The following DNAH7 variants were observed in gnomAD, a reference collection of about 807,000 sequenced individuals.
DNAH7 encodes dynein axonemal heavy chain 7.
In DNAH7, 397 loss-of-function variants were observed where a neutral mutation model predicts 444.6. That is an observed-to-expected ratio of 0.89 (90% CI 0.82 to 0.97). The LOEUF (loss-of-function observed/expected upper bound fraction) is 0.97. DNAH7 is among the 50% of genes least tolerant of loss of function. DNAH7 has a pLI of 0.00. For synonymous variants in DNAH7, 1,636 were observed against 1,624.4 expected, an observed-to-expected ratio of 1.01 and a Z score of -0.17; for missense variants, 4,902 against 4,800.8, an observed-to-expected ratio of 1.02 and a Z score of -0.62.
At chr2:195,919,884 G>A (rs886842528) in intron 24 of DNAH7, among the ~76,000 whole-genome samples, 7 of 152,150 alleles carry the variant, frequency 4.6e-5, no homozygotes, top group Non-Finnish European at 1.0e-4. Flanking sequence ...AAATGTAAAT[G>A]TAAGTATCTA....
chr2:195,929,112 T>C (rs1241864935), intron 21 of DNAH7, among the ~76,000 whole-genome samples: 1 of 151,852 alleles, frequency 6.6e-6, no homozygotes. Context: ...AAGAATGCAA[T>C]CCCATTCACA....
chr2:195,914,486 C>A (rs1324985447), intron 24 of DNAH7, among the ~76,000 whole-genome samples: 1 of 152,198 alleles, frequency 6.6e-6, no homozygotes, highest in Non-Finnish European at 1.5e-5. Context: ...CTGTGCCATA[C>A]AATTGGCATG....
intron 29 of DNAH7, among the ~76,000 whole-genome samples, chr2:195,896,165 T>G (rs768693001): frequency 2.0e-5 from 3 of 152,242 alleles, no homozygotes; most frequent in Non-Finnish European, 4.4e-5. Context: ...TAAGTCATGT[T>G]CCTCTAGCCA....
chr2:195,996,133 ATAATCTT>A (rs1693679999), intron 12 of DNAH7, among the ~76,000 whole-genome samples: 1 of 151,886 alleles, frequency 6.6e-6, no homozygotes, highest in Non-Finnish European at 1.5e-5. Context: ...TCATATCATC[ATAATCTT>A]TAAACACAAT....
At chr2:195,899,418 T>C (rs1686552736) in intron 28 of DNAH7, among the ~76,000 whole-genome samples, 1 of 152,236 alleles carries the variant, frequency 6.6e-6, no homozygotes, top group African/African-American at 2.4e-5. Context: ...TGCATTATAC[T>C]TCCCATTATC....
At chr2:195,932,160 T>C (rs1688743417) in intron 21 of DNAH7, among the ~76,000 whole-genome samples, 1 of 152,224 alleles carries the variant, frequency 6.6e-6, no homozygotes, top group African/African-American at 2.4e-5. Context: ...GTTGGATTCC[T>C]AGGTATTGTA....
chr2:196,056,243 G>A (rs572342108), intron 2 of DNAH7, among the ~76,000 whole-genome samples: 10 of 151,854 alleles, frequency 6.6e-5, no homozygotes, highest in African/African-American at 9.7e-5. Context: ...TCAGGGGTTC[G>A]AGACCAGCCT....
At position 195,817,750 on chromosome 2, in the gene DNAH7, G is replaced by A. The variant is rs551842767; in HGVS notation, c.9371C>T (p.Pro3124Leu). Residue 3124 changes from proline to leucine, a missense_variant, in exon 50 of 65, where the codon CCA becomes CTA. Transcript: ENST00000312428. The stretch of plus-strand genomic sequence containing the variant: ...GGCTTGCTTTTCTTCTTCAAGGTCT[G>A]GCCTTTCTTGTGCCACCACAATTCC... ...LLGIVVAQER[P>L]DLEEEKQALI... 3.2e-5 allele frequency: 52 copies of A among 1,613,016 alleles called. No homozygotes were observed. Among genetic ancestry groups the A allele is most frequent in the Non-Finnish European group, 4.3e-5 (51 of 1,179,598 alleles).
At chr2:195,799,206 TC>T (rs1696324606) in intron 55 of DNAH7, 89 bp downstream of exon 55, 1 of 1,170,490 alleles carries the variant, frequency 8.5e-7, no homozygotes, top group Non-Finnish European at 1.1e-6. Context: ...ATGACAAATT[TC>T]TACCTTTCCC....
At chr2:195,809,673 CCATA>C in intron 52 of DNAH7, 68 bp downstream of exon 52, 1 of 1,305,268 alleles carries the variant, frequency 7.7e-7, no homozygotes, top group Non-Finnish European at 1.0e-6. Flanking sequence ...ATATATATTC[CCATA>C]CAAATTAATA....
intron 52 of DNAH7, among the ~76,000 whole-genome samples, chr2:195,809,137 C>G (rs1696842586): frequency 6.6e-6 from 1 of 152,178 alleles, no homozygotes; most frequent in Non-Finnish European, 1.5e-5. Flanking sequence ...ATGTGAAAAT[C>G]TGAATATGTT....
chr2:195,823,489 T>G lies in DNAH7; in HGVS notation c.9291+766A>C, dbSNP rs150484343. ...TTTTCTCTGCCTCTCTGCAGAGAGA[T>G]GCCTATGTTAATTTAAATATTTCCA... On this transcript the variant is annotated intron_variant, in intron 49 of 64. Coordinates refer to ENST00000312428, the MANE Select transcript of DNAH7 (RefSeq NM_018897.3). Among the ~76,000 whole-genome samples, 658 of 152,348 alleles carry G rather than the reference T, an allele frequency of 4.3e-3. 10 individuals are homozygous for G. The highest frequency in any genetic ancestry group is 0.037 in the Admixed American group (570 of 15,294).
Position 195,857,496 on chromosome 2 carries a change from C to T in DNAH7, c.8295G>A (p.Met2765Ile), listed in dbSNP as rs866572493. Reference protein sequence around the residue: ...YDKDNIPPAYMNIIRKNYIPN... With the variant: ...YDKDNIPPAYINIIRKNYIPN... Reference sequence around the variant, plus strand: ...GAATATAATTTTTTCTTATGATATTCATATAAGCTGGAGGAATATTGTCCT... The same window carrying T: ...GAATATAATTTTTTCTTATGATATTTATATAAGCTGGAGGAATATTGTCCT... The change falls in exon 44 of 65, where the codon ATG (methionine) becomes ATA (isoleucine). Residue 2765 changes from methionine to isoleucine, a missense_variant. Transcript: ENST00000312428. 1 of 1,613,658 alleles carries T rather than the reference C, an allele frequency of 6.2e-7. No individual in the cohort carries two copies. The highest frequency in any genetic ancestry group is 2.2e-5 in the East Asian group (1 of 44,856).
At chr2:195,764,207 A>G (rs141012290) in intron 61 of DNAH7, among the ~76,000 whole-genome samples, 3 of 152,090 alleles carry the variant, frequency 2.0e-5, no homozygotes, top group Admixed American at 1.3e-4. Context: ...TAAAAAAAAA[A>G]CTTTAAAAAC....
rs118067971 is a variant in DNAH7 at position 195,961,438 on chromosome 2, G to A, written c.2206-493C>T. Reference sequence around the variant, plus strand: ...CCTTGTAGGCATCATTCTACTCTCTGCTTCTATGAATTTGATTTTTTATTA... The same window carrying A: ...CCTTGTAGGCATCATTCTACTCTCTACTTCTATGAATTTGATTTTTTATTA... On this transcript the variant is annotated intron_variant, in intron 17 of 64. Coordinates refer to ENST00000312428, the MANE Select transcript of DNAH7 (RefSeq NM_018897.3). Among the ~76,000 whole-genome samples the A allele has an allele frequency of 5.3e-5, 8 of 152,040 alleles. No individual in the cohort carries two copies. In the East Asian group the frequency reaches 5.8e-4, roughly 11 times the overall value.
intron 17 of DNAH7, among the ~76,000 whole-genome samples, chr2:195,964,900 C>A (rs868396918): frequency 7.9e-5 from 12 of 151,146 alleles, no homozygotes; most frequent in African/African-American, 2.9e-4. Context: ...AAGTTCATAT[C>A]ATCTACAAAC....
rs748718636 is a variant in DNAH7, at chr2:195,809,809, A to G, written c.9824T>C (p.Phe3275Ser). 21 of 1,601,380 alleles carry G rather than the reference A, an allele frequency of 1.3e-5. No homozygotes were observed. The East Asian group carries it at 4.3e-4, about 33-fold the overall frequency. Residue 3275 changes from phenylalanine to serine, a missense_variant, in exon 52 of 65, where the codon TTT becomes TCT. Transcript: ENST00000312428. ...GGAAAAGAGCAGCTTATCCTTTTCAAAGAGTGACCGGCAGACATTAACATA... is the reference window on the plus strand; with the variant it reads ...GGAAAAGAGCAGCTTATCCTTTTCAGAGAGTGACCGGCAGACATTAACATA... Reference protein sequence around the residue: ...SLYVNVCRSLFEKDKLLFSFC... With the variant: ...SLYVNVCRSLSEKDKLLFSFC...
In DNAH7 at chr2:195,921,106, A is replaced by G; in HGVS notation, c.3935+982T>C. 1.3e-5 allele frequency among the ~76,000 whole-genome samples: 2 copies of G among 152,206 alleles called. 1 individual carries two copies. The highest frequency in any genetic ancestry group is 1.3e-4 in the Admixed American group (2 of 15,286). On this transcript the variant is annotated intron_variant, in intron 24 of 64. Coordinates refer to ENST00000312428, the MANE Select transcript of DNAH7 (RefSeq NM_018897.3). The stretch of plus-strand genomic sequence containing the variant: ...AGTGAAAGGGGAACACTTTTACATC[A>G]CTGGTAGGAATGTAAACTATACAAC...
In DNAH7 at chr2:195,859,184, TCACTTATTTTAAACG is replaced by T. The variant is rs148780780; in HGVS notation, c.7737-395_7737-381del. 2.4e-4 allele frequency among the ~76,000 whole-genome samples: 36 copies of T among 152,326 alleles called. No homozygotes were observed. In the East Asian group the frequency reaches 6.9e-3, roughly 29 times the overall value. Reference sequence around the variant, plus strand: ...ACTGCTGCTTTAAACCTTTTTATGATCACTTATTTTAAACGCACTTCAGTGCTCAAAATATATTAT... The same window carrying T: ...ACTGCTGCTTTAAACCTTTTTATGATCACTTCAGTGCTCAAAATATATTAT... On this transcript the variant is annotated intron_variant, in intron 42 of 64. Coordinates refer to ENST00000312428, the MANE Select transcript of DNAH7 (RefSeq NM_018897.3).
Sources: allele counts gnomAD v4.1 joint callset (sites outside exome capture counted in the v4.1 genomes callset), GRCh38; gene constraint gnomAD v4.1.1; transcripts MANE v1.5; gene names NCBI Gene and HGNC (gene_info 2026-07-23, HGNC 2026-07-21).